UNK: variants seen among roughly 807,000 people sequenced by gnomAD.
UNK encodes unk zinc finger.
UNK carries 32 observed loss-of-function variants against 97.6 expected under a neutral mutation model. That is an observed-to-expected ratio of 0.33 (90% CI 0.25 to 0.44). UNK has a LOEUF of 0.44. Ranked by LOEUF, UNK falls within the 20% of genes least tolerant of loss-of-function variation. The probability of loss-of-function intolerance (pLI) is 1.00; values close to 1 mark genes in which losing one functional copy is unlikely to be tolerated. For missense variants in UNK, 771 were observed against 1,098.4 expected (o/e 0.70, Z 4.21); for synonymous variants, 441 against 461.2 (o/e 0.96, Z 0.56).
In UNK at chr17:75,805,641, A is replaced by G. The variant is rs553087187; in HGVS notation, c.105-4119A>G. Among the ~76,000 whole-genome samples the G allele has an allele frequency of 2.2e-4, 34 of 151,554 alleles. No homozygotes were observed. In the South Asian group the frequency reaches 6.4e-3, roughly 29 times the overall value. On this transcript the variant is annotated intron_variant, in intron 1 of 15. Transcript: ENST00000589666. ...GCGAGATCTTATCTGTACTAAAAAT[A>G]AAAAAAATTTAGCTGGGCATGGGGG...
chr17:75,818,203 T>G lies in UNK; in HGVS notation c.1371+35T>G, dbSNP rs2062034359. On this transcript the variant is annotated intron_variant, in intron 10 of 15. Transcript: ENST00000589666. The surrounding 1 kb of genome is among the most constrained non-coding windows in gnomAD (Gnocchi z 5.1). ...TCTCAGCCCCCTTCCTCCCCTCTGC[T>G]GTGGACAGGAGTGGCCCAGAACCCC... 6.2e-7 allele frequency: 1 copy of G among 1,611,524 alleles called. No individual in the cohort carries two copies.
chr17:75,785,638 C>T (rs1216412815), intron 1 of UNK: 1 of 152,272 alleles, frequency 6.6e-6, no homozygotes, highest in Non-Finnish European at 1.5e-5. Flanking sequence ...AGAAATGTAG[C>T]ATTAGAGGGA....
rs1347427781 is a variant in UNK, at chr17:75,824,655, TAA to T, written c.*241_*242del. 3 of 221,178 alleles carry T rather than the reference TAA, an allele frequency of 1.4e-5. No individual in the cohort carries two copies. The highest frequency in any genetic ancestry group is 6.9e-5 in the African/African-American group (3 of 43,544). The allele number at this position is 221,178 out of a possible 1,614,324, so 13.7% of individuals were successfully genotyped here. On this transcript the variant is annotated 3_prime_UTR_variant, in exon 16 of 16. Coordinates refer to ENST00000589666, the MANE Select transcript of UNK (RefSeq NM_001080419.3). This position sits in a 1 kb window ranked among gnomAD's most constrained non-coding sequence, Gnocchi z 4.9. ...TGTACATAGATATAGACACACACTTTAAAAGACTTACCAAGCACTTTTTAAAA... is the reference window on the plus strand; with the variant it reads ...TGTACATAGATATAGACACACACTTTAAGACTTACCAAGCACTTTTTAAAA...
intron 4 of UNK, 119 bp from the exon 5 acceptor site, chr17:75,812,958 AG>A: frequency 7.3e-7 from 1 of 1,373,108 alleles, no homozygotes; most frequent in Non-Finnish European, 9.6e-7. Context: ...CACATCTGGC[AG>A]GGGCCTCCTG....
At chr17:75,795,413 C>A (rs2143694857) in intron 1 of UNK, among the ~76,000 whole-genome samples, 1 of 152,076 alleles carries the variant, frequency 6.6e-6, no homozygotes, top group African/African-American at 2.4e-5. Flanking sequence ...GATCTCCGCT[C>A]ACTGCAACCT....
chr17:75,816,839 T>C lies in UNK; in HGVS notation c.1031T>C (p.Leu344Pro). The change falls in exon 8 of 16, where the codon CTG (leucine) becomes CCG (proline). Residue 344 changes from leucine (L) to proline (P), a missense_variant. Leu to Pro is a moderately conservative substitution (Grantham distance 98). Transcript: ENST00000589666. The surrounding 1 kb of genome is among the most constrained non-coding windows in gnomAD (Gnocchi z 4.0). ...AGCCCCACCCAGCCAGGTCCTGTCC[T>C]GTACATGCCATCTGCCGCCGGAGAC... ...VSSPTQPGPVLYMPSAAGDSV... is the reference protein window; with the variant it reads ...VSSPTQPGPVPYMPSAAGDSV... 2.5e-6 allele frequency: 4 copies of C among 1,607,980 alleles called. No individual in the cohort carries two copies. The highest frequency in any genetic ancestry group is 1.3e-5 in the African/African-American group (1 of 75,010).
intron 13 of UNK, chr17:75,821,629 C>T (rs1227736426): frequency 2.2e-6 from 1 of 456,592 alleles, no homozygotes; most frequent in Non-Finnish European, 4.4e-6. Flanking sequence ...CGTCTTAAAT[C>T]TGGTTCTGGA....
intron 13 of UNK, 129 bp downstream of exon 13, chr17:75,820,237 G>A (rs1251955493): frequency 3.2e-6 from 3 of 943,130 alleles, no homozygotes; most frequent in African/African-American, 1.7e-5. Context: ...TGGGCGAGGA[G>A]GCAGAGTCAG....
intron 2 of UNK, among the ~76,000 whole-genome samples, chr17:75,811,338 C>T (rs1048968994): frequency 1.3e-5 from 2 of 152,142 alleles, no homozygotes; most frequent in African/African-American, 4.8e-5. Flanking sequence ...TTCCTGGCCT[C>T]AAATGATCCT....
chr17:75,801,125 G>A (rs1347912526), intron 1 of UNK, among the ~76,000 whole-genome samples: 2 of 151,378 alleles, frequency 1.3e-5, no homozygotes, highest in African/African-American at 2.4e-5. Context: ...GGATGGTCTC[G>A]ATCTCCTGAC....
chr17:75,797,275 C>T (rs974993719), intron 1 of UNK, among the ~76,000 whole-genome samples: 8 of 152,058 alleles, frequency 5.3e-5, no homozygotes, highest in Non-Finnish European at 8.8e-5. Flanking sequence ...TCACTCTGTC[C>T]CCCAGGCTGG....
rs371484924 is a variant in UNK, at chr17:75,823,327, C to T, written c.2082C>T (p.Ala694=). 1.1e-5 allele frequency: 18 copies of T among 1,610,914 alleles called. No homozygotes were observed. The highest frequency in any genetic ancestry group is 1.5e-5 in the Non-Finnish European group (18 of 1,178,806). The stretch of plus-strand genomic sequence containing the variant: ...GTGAGCGGGCCAGTGCGGCGGGCGC[C>T]GAGTGCGAGCTGGCCCGGGAGCAGC... The part of the protein sequence containing the change: ...EAGERASAAG[A]ECELAREQRD... Residue 694 remains alanine, a synonymous_variant, in exon 15 of 16, where the codon GCC becomes GCT. Coordinates refer to ENST00000589666, the MANE Select transcript of UNK (RefSeq NM_001080419.3).
At chr17:75,805,195 AT>A (rs1435183304) in intron 1 of UNK, among the ~76,000 whole-genome samples, 77 of 144,828 alleles carry the variant, frequency 5.3e-4, no homozygotes, top group Middle Eastern at 6.9e-3. Flanking sequence ...AAAAAAAAAA[AT>A]ATTATATGCT....
At position 75,819,554 on chromosome 17, in the gene UNK, G is replaced by A. The variant is rs990015638; in HGVS notation, c.1547-130G>A. On this transcript the variant is annotated intron_variant, in intron 11 of 15. Coordinates refer to ENST00000589666, the MANE Select transcript of UNK (RefSeq NM_001080419.3). This position sits in a 1 kb window ranked among gnomAD's most constrained non-coding sequence, Gnocchi z 5.4. The stretch of plus-strand genomic sequence containing the variant: ...TTGGCATAGGAAGCAGCTGAAGGAA[G>A]GGCACAGGGGCTTGGGAGAATACGG... 5 of 801,782 alleles carry A rather than the reference G, an allele frequency of 6.2e-6. No individual in the cohort carries two copies. Among genetic ancestry groups the A allele is most frequent in the Non-Finnish European group, 1.0e-5 (5 of 489,344 alleles). The allele number at this position is 801,782 out of a possible 1,614,324, so 49.7% of individuals were successfully genotyped here. A position where few individuals can be genotyped will look rare whatever the true frequency, so the allele number is the denominator to read the frequency against.
At chr17:75,814,895 C>T (rs773460203) in intron 6 of UNK, among the ~76,000 whole-genome samples, 7 of 152,144 alleles carry the variant, frequency 4.6e-5, no homozygotes, top group African/African-American at 1.4e-4. Context: ...TGGCCATGCC[C>T]GTGAGTGGAG....
In UNK at chr17:75,802,115, T is replaced by C. The variant is rs189207478; in HGVS notation, c.105-7645T>C. ...TGCCCGCCTTGGCCTCCCAAAGGGC[T>C]GGGATTACAGGAGTGAGCCACTGCG... On this transcript the variant is annotated intron_variant, in intron 1 of 15. Transcript: ENST00000589666. 8.3e-3 allele frequency among the ~76,000 whole-genome samples: 1,260 copies of C among 152,234 alleles called. 15 individuals carry two copies. Among genetic ancestry groups the C allele is most frequent in the Middle Eastern group, 0.02 (6 of 294 alleles).
At chr17:75,808,271 GAGA>G (rs1220076642) in intron 1 of UNK, among the ~76,000 whole-genome samples, 2 of 152,184 alleles carry the variant, frequency 1.3e-5, no homozygotes, top group Non-Finnish European at 2.9e-5. Flanking sequence ...GACAGTAAAG[GAGA>G]AGAACCTTTG....
At chr17:75,785,602 G>GT (rs2061702378) in intron 1 of UNK, 1 of 152,432 alleles carries the variant, frequency 6.6e-6, no homozygotes, top group African/African-American at 2.4e-5. Flanking sequence ...AAGGTGATGG[G>GT]TTCCAAGTAT....
At chr17:75,806,502 G>A (rs1181828052) in intron 1 of UNK, among the ~76,000 whole-genome samples, 1 of 139,990 alleles carries the variant, frequency 7.1e-6, no homozygotes, top group Admixed American at 7.2e-5. Context: ...GGCCGGGCGC[G>A]GTGGCTCACG....
Sources: gnomAD v4.1 joint callset for allele counts (sites outside exome capture counted in the v4.1 genomes callset) on GRCh38, gnomAD v4.1.1 for gene constraint, Gnocchi (gnomAD v3.1) non-coding constraint, MANE v1.5 for transcripts, NCBI Gene and HGNC (gene_info 2026-07-23, HGNC 2026-07-21) for gene names.